The following EYA4 variants were observed in gnomAD, a reference collection of about 807,000 sequenced individuals.
The protein encoded by EYA4 is protein phosphatase EYA4.
A neutral mutation model predicts 87.9 loss-of-function variants in EYA4; 31 were observed. That is an observed-to-expected ratio of 0.35 (90% CI 0.27 to 0.48). EYA4 has a LOEUF of 0.48. EYA4 is among the 20% of genes least tolerant of loss of function. The pLI is 0.99. For missense variants in EYA4, 678 were observed against 761.4 expected (o/e 0.89, Z 1.29); for synonymous variants, 263 against 270.6 (o/e 0.97, Z 0.28).
chr6:133,386,203 G>A (rs1249989654), intron 3 of EYA4, among the ~76,000 whole-genome samples: 1 of 151,934 alleles, frequency 6.6e-6, no homozygotes. Flanking sequence ...AACATAAACT[G>A]AAATGATATT....
At chr6:133,324,979 C>T (rs1213805574) in intron 2 of EYA4, among the ~76,000 whole-genome samples, 1 of 138,596 alleles carries the variant, frequency 7.2e-6, no homozygotes, top group African/African-American at 2.8e-5. Flanking sequence ...GGCACAATCT[C>T]GGTTCACTGC....
chr6:133,386,277 A>G (rs994448151), intron 3 of EYA4, among the ~76,000 whole-genome samples: 1 of 151,978 alleles, frequency 6.6e-6, no homozygotes, highest in Non-Finnish European at 1.5e-5. Flanking sequence ...GTCCCATTTG[A>G]CTCATCACCG....
chr6:133,298,641 C>T lies in EYA4; in HGVS notation c.33+23828C>T, dbSNP rs182089712. On this transcript the variant is annotated intron_variant, in intron 2 of 19. Coordinates refer to ENST00000355286, the MANE Select transcript of EYA4 (RefSeq NM_004100.5). ...ATTTCACTGTCTTTCTTAGTTTCCG[C>T]ATCTCCAAAATCAGAATAATAAAAG... Among the ~76,000 whole-genome samples, 1,347 of 152,270 alleles carry T rather than the reference C, an allele frequency of 8.8e-3. 21 individuals are homozygous for T. The highest frequency in any genetic ancestry group is 0.031 in the African/African-American group (1,287 of 41,540).
intron 2 of EYA4, among the ~76,000 whole-genome samples, chr6:133,325,924 A>G (rs924067650): frequency 2.6e-5 from 4 of 152,196 alleles, no homozygotes; most frequent in African/African-American, 9.7e-5. Context: ...CTCCTCTGTC[A>G]TTAGCTACCC....
chr6:133,298,846 A>C (rs1167765381), intron 2 of EYA4, among the ~76,000 whole-genome samples: 2 of 152,226 alleles, frequency 1.3e-5, no homozygotes, highest in Admixed American at 1.3e-4. Context: ...GTTCATCCTG[A>C]TAAATGTGAA....
rs190988785 is a variant in EYA4 at position 133,313,663 on chromosome 6, G to T, written c.33+38850G>T. 4.3e-4 allele frequency among the ~76,000 whole-genome samples: 65 copies of T among 152,252 alleles called. No homozygotes were observed. In the Middle Eastern group the frequency reaches 0.014, roughly 32 times the overall value. On this transcript the variant is annotated intron_variant, in intron 2 of 19. Coordinates refer to ENST00000355286, the MANE Select transcript of EYA4 (RefSeq NM_004100.5). Reference sequence around the variant, plus strand: ...ATGCTAACCAAGATTCAGCTATTCAGATAACTTTAGAGCTGTAAAATATAT... The same window carrying T: ...ATGCTAACCAAGATTCAGCTATTCATATAACTTTAGAGCTGTAAAATATAT...
intron 5 of EYA4, 96 bp from the exon 6 acceptor site, chr6:133,456,460 A>T (rs1431188927): frequency 1.1e-6 from 1 of 874,712 alleles, no homozygotes; most frequent in African/African-American, 1.6e-5. Context: ...TTTCTCTTGC[A>T]TGCCCATGGT....
In EYA4 at chr6:133,468,287, A is replaced by G. The variant is rs545880581; in HGVS notation, c.805-279A>G. On this transcript the variant is annotated intron_variant, in intron 10 of 19. Coordinates refer to ENST00000355286, the MANE Select transcript of EYA4 (RefSeq NM_004100.5). ...TGATGATGTAAATCCTTGAATAAGT[A>G]ACTATCAGGAGCAAAGTGAAGCATA... 2.0e-5 allele frequency among the ~76,000 whole-genome samples: 3 copies of G among 152,222 alleles called. No homozygotes were observed. In the East Asian group the frequency reaches 5.8e-4, roughly 29 times the overall value.
chr6:133,301,777 G>A (rs1190395125), intron 2 of EYA4, among the ~76,000 whole-genome samples: 3 of 152,148 alleles, frequency 2.0e-5, no homozygotes, highest in Non-Finnish European at 4.4e-5. Context: ...TTATTCTGAT[G>A]GTTTTCATTG....
chr6:133,423,607 T>C (rs1298380846), intron 3 of EYA4, among the ~76,000 whole-genome samples: 1 of 152,242 alleles, frequency 6.6e-6, no homozygotes, highest in African/African-American at 2.4e-5. Flanking sequence ...TTAAAATAAA[T>C]TTTATTACAA....
chr6:133,506,055 A>G (rs760982296), intron 13 of EYA4, 51 bp from the exon 14 acceptor site: 1 of 1,025,636 alleles, frequency 9.8e-7, no homozygotes, highest in East Asian at 2.4e-5. Context: ...TATTTTTAAT[A>G]ATAAGCGCTT....
At chr6:133,394,307 T>G (rs1184102811) in intron 3 of EYA4, among the ~76,000 whole-genome samples, 1 of 121,310 alleles carries the variant, frequency 8.2e-6, no homozygotes, top group East Asian at 2.7e-4. Context: ...TTTTTTTTTT[T>G]TTTTTTTTTT....
chr6:133,357,270 C>CAAAAAAAAA (rs754202361), intron 2 of EYA4, among the ~76,000 whole-genome samples: 7 of 65,306 alleles, frequency 1.1e-4, no homozygotes, highest in African/African-American at 3.3e-4. Flanking sequence ...GACTCCGTCT[C>CAAAAAAAAA]AAAAAAAAAA....
At chr6:133,411,368 A>C (rs923027487) in intron 3 of EYA4, among the ~76,000 whole-genome samples, 2 of 152,180 alleles carry the variant, frequency 1.3e-5, no homozygotes, top group African/African-American at 4.8e-5. Flanking sequence ...TCCATGAGAA[A>C]AGCACATCAA....
At chr6:133,394,314 T>TTTTTTTG (rs1787602406) in intron 3 of EYA4, among the ~76,000 whole-genome samples, 1 of 87,846 alleles carries the variant, frequency 1.1e-5, no homozygotes, top group African/African-American at 3.2e-5. Context: ...TTTTTTTTTT[T>TTTTTTTG]TTTTGGTCAT....
At chr6:133,313,662 A>G (rs1780404878) in intron 2 of EYA4, among the ~76,000 whole-genome samples, 1 of 152,230 alleles carries the variant, frequency 6.6e-6, no homozygotes, top group African/African-American at 2.4e-5. Context: ...TCAGCTATTC[A>G]GATAACTTTA....
chr6:133,529,399 A>C lies in EYA4; in HGVS notation c.*594A>C. 2.0e-6 allele frequency: 2 copies of C among 993,590 alleles called. No homozygotes were observed. Among genetic ancestry groups the C allele is most frequent in the Non-Finnish European group, 2.4e-6 (2 of 833,976 alleles). The allele number at this position is 993,590 out of a possible 1,614,324, so 61.5% of individuals were successfully genotyped here. Reference sequence around the variant, plus strand: ...GAGGGGAATGGGAGGGGAAATGGGAATATAATATTGTCTCTTTTTTAAGTT... The same window carrying C: ...GAGGGGAATGGGAGGGGAAATGGGACTATAATATTGTCTCTTTTTTAAGTT... On this transcript the variant is annotated 3_prime_UTR_variant, in exon 20 of 20. Transcript: ENST00000355286.
intron 2 of EYA4, among the ~76,000 whole-genome samples, chr6:133,319,034 C>T (rs756192563): frequency 3.9e-5 from 6 of 152,176 alleles, no homozygotes; most frequent in Admixed American, 6.5e-5. Flanking sequence ...CAGGCAGCTC[C>T]GTGCTGTCTA....
At chr6:133,381,196 T>C (rs930135681) in intron 2 of EYA4, among the ~76,000 whole-genome samples, 13 of 151,952 alleles carry the variant, frequency 8.6e-5, no homozygotes, top group African/African-American at 2.4e-4. Flanking sequence ...TATTTTCATA[T>C]TGTGTAAGTG....
Sources: gnomAD v4.1 joint callset for allele counts (sites outside exome capture counted in the v4.1 genomes callset) on GRCh38, gnomAD v4.1.1 for gene constraint, MANE v1.5 for transcripts, NCBI Gene and HGNC (gene_info 2026-07-23, HGNC 2026-07-21) for gene names.